ADAM12: variants seen among roughly 807,000 people sequenced by gnomAD.
The protein encoded by ADAM12 is disintegrin and metalloproteinase domain-containing protein 12.
In ADAM12, 70 loss-of-function variants were observed where a neutral mutation model predicts 106.4. The observed-to-expected ratio is 0.66, with a 90% CI of 0.54 to 0.80. ADAM12 has a LOEUF of 0.80. ADAM12 is among the 30% of genes least tolerant of loss of function. The pLI, the probability that ADAM12 is intolerant of heterozygous loss-of-function variation, is 0.00. For missense variants in ADAM12, 1,010 were observed against 1,171.9 expected, an observed-to-expected ratio of 0.86 and a Z score of 2.02; for synonymous variants, 420 against 433.5, an observed-to-expected ratio of 0.97 and a Z score of 0.39.
chr10:126,318,200 C>T (rs1388265645), intron 2 of ADAM12, among the ~76,000 whole-genome samples: 3 of 151,934 alleles, frequency 2.0e-5, no homozygotes, highest in Non-Finnish European at 4.4e-5. Flanking sequence ...AGTGCTAGAA[C>T]ACACACACAC....
intron 3 of ADAM12, among the ~76,000 whole-genome samples, chr10:126,209,140 A>C (rs1957853042): frequency 6.6e-6 from 1 of 152,214 alleles, no homozygotes; most frequent in Non-Finnish European, 1.5e-5. Flanking sequence ...GCAAGCCAAA[A>C]TCCTATCAAC....
At chr10:126,159,475 G>A (rs117054660) in intron 3 of ADAM12, among the ~76,000 whole-genome samples, 517 of 152,094 alleles carry the variant, frequency 3.4e-3, no homozygotes, top group Non-Finnish European at 5.7e-3. Flanking sequence ...AGCAATTCAG[G>A]TCTTAACAAT....
At chr10:126,325,716 T>A (rs1470412062) in intron 2 of ADAM12, among the ~76,000 whole-genome samples, 1 of 152,210 alleles carries the variant, frequency 6.6e-6, no homozygotes, top group African/African-American at 2.4e-5. Flanking sequence ...CATTTTGACA[T>A]GTCTTCGCTG....
chr10:126,289,669 C>A (rs573221451), intron 2 of ADAM12, among the ~76,000 whole-genome samples: 11 of 152,204 alleles, frequency 7.2e-5, no homozygotes, highest in African/African-American at 2.6e-4. Context: ...CTTTTGACTG[C>A]AAAGGAACAA....
intron 3 of ADAM12, among the ~76,000 whole-genome samples, chr10:126,201,938 G>A (rs1057243958): frequency 4.6e-5 from 7 of 152,138 alleles, no homozygotes; most frequent in Non-Finnish European, 1.0e-4. Flanking sequence ...CAACGTTGTC[G>A]TTCACATAAA....
chr10:126,204,351 A>G (rs1417018924), intron 3 of ADAM12, among the ~76,000 whole-genome samples: 3 of 152,220 alleles, frequency 2.0e-5, no homozygotes, highest in Non-Finnish European at 4.4e-5. Flanking sequence ...TGTGACTAGG[A>G]GAAAGCCCAG....
chr10:126,199,168 C>T (rs1016652428), intron 3 of ADAM12, among the ~76,000 whole-genome samples: 6 of 152,142 alleles, frequency 3.9e-5, no homozygotes, highest in African/African-American at 1.4e-4. Context: ...AGACTAACCA[C>T]CTGAATGAAG....
At chr10:126,375,697 TA>T (rs34602029) in intron 1 of ADAM12, among the ~76,000 whole-genome samples, 156 of 138,576 alleles carry the variant, frequency 1.1e-3, no homozygotes, top group South Asian at 1.2e-3. Flanking sequence ...TCATTAAAGT[TA>T]AAAAAAAAAA....
intron 3 of ADAM12, among the ~76,000 whole-genome samples, chr10:126,197,278 G>A (rs1206394791): frequency 6.6e-6 from 1 of 152,242 alleles, no homozygotes; most frequent in Non-Finnish European, 1.5e-5. Context: ...AAGTCCATTG[G>A]TGAACTCTGG....
At position 126,211,036 on chromosome 10, in the gene ADAM12, A is replaced by G. The variant is rs145705554; in HGVS notation, c.261-55731T>C. ...GGTGGGGTCTTGGTGCCACTCAGGC[A>G]CCTTACACTGTGGTGTAAGGAGCTG... On this transcript the variant is annotated intron_variant, in intron 3 of 22. Transcript: ENST00000448723. 3.3e-3 allele frequency among the ~76,000 whole-genome samples: 500 copies of G among 152,116 alleles called. 2 individuals are homozygous for G. Among genetic ancestry groups the G allele is most frequent in the African/African-American group, 0.011 (465 of 41,460 alleles).
intron 3 of ADAM12, among the ~76,000 whole-genome samples, chr10:126,212,473 G>T (rs1239049131): frequency 1.3e-5 from 2 of 152,124 alleles, no homozygotes; most frequent in Non-Finnish European, 2.9e-5. Flanking sequence ...TTAAACATTG[G>T]TTTATCTTTT....
chr10:126,277,315 G>A (rs1458721021), intron 3 of ADAM12, among the ~76,000 whole-genome samples: 2 of 152,084 alleles, frequency 1.3e-5, no homozygotes, highest in Non-Finnish European at 2.9e-5. Flanking sequence ...TCTACCTGCA[G>A]TCGTAATGCT....
intron 10 of ADAM12, among the ~76,000 whole-genome samples, chr10:126,097,161 A>G (rs1374789806): frequency 2.0e-5 from 3 of 152,216 alleles, no homozygotes; most frequent in Admixed American, 1.3e-4. Flanking sequence ...CTGACCATGG[A>G]ACCATGAAAC....
intron 2 of ADAM12, among the ~76,000 whole-genome samples, chr10:126,304,616 T>C (rs367752116): frequency 2.0e-4 from 30 of 152,178 alleles, no homozygotes; most frequent in East Asian, 1.3e-3. Flanking sequence ...ATTTGATAAA[T>C]TGGACTTCAA....
chr10:126,337,934 A>C (rs903485334), intron 1 of ADAM12, among the ~76,000 whole-genome samples: 1 of 152,198 alleles, frequency 6.6e-6, no homozygotes, highest in African/African-American at 2.4e-5. Context: ...AATAAACTTA[A>C]AAAGATCCTT....
intron 4 of ADAM12, among the ~76,000 whole-genome samples, chr10:126,152,206 AG>A (rs1316765467): frequency 6.6e-6 from 1 of 152,062 alleles, no homozygotes; most frequent in Non-Finnish European, 1.5e-5. Flanking sequence ...AAATGCTGTC[AG>A]TATTGAAAGC....
chr10:126,036,615 G>A (rs1275814855), intron 20 of ADAM12, among the ~76,000 whole-genome samples: 1 of 152,172 alleles, frequency 6.6e-6, no homozygotes, highest in Non-Finnish European at 1.5e-5. Flanking sequence ...ACTTGAAAAA[G>A]TACCAAGTAT....
At chr10:126,094,311 T>A (rs1955517108) in intron 10 of ADAM12, among the ~76,000 whole-genome samples, 178 bp from the exon 11 acceptor site, 1 of 152,200 alleles carries the variant, frequency 6.6e-6, no homozygotes, top group Admixed American at 6.5e-5. Context: ...TAATTTGACA[T>A]TTCATTAAGC....
chr10:126,328,790 G>A (rs1854398557), intron 2 of ADAM12, among the ~76,000 whole-genome samples: 1 of 152,184 alleles, frequency 6.6e-6, no homozygotes, highest in South Asian at 2.1e-4. Context: ...TCTGGAGACA[G>A]AAACCCAGAA....
Sources: allele counts gnomAD v4.1 joint callset (sites outside exome capture counted in the v4.1 genomes callset), GRCh38; gene constraint gnomAD v4.1.1; transcripts MANE v1.5; gene names NCBI Gene and HGNC (gene_info 2026-07-23, HGNC 2026-07-21).